Variants in SMYD4 observed in about 807,000 individuals in gnomAD.
SMYD4 encodes the protein SET and MYND domain containing 4.
Under a neutral mutation model 72.8 loss-of-function variants are expected in SMYD4, and 68 were observed. That is an observed-to-expected ratio of 0.93 (90% CI 0.77 to 1.14). The LOEUF is 1.14. Among genes scored for constraint, SMYD4 ranks in the 50% most tolerant of loss-of-function variants. SMYD4 has a pLI of 0.00. For synonymous variants in SMYD4, 407 were observed against 388.6 expected (o/e 1.05, Z -0.56); for missense variants, 984 against 1,003.7 (o/e 0.98, Z 0.27).
In SMYD4 at chr17:1,794,115, T is replaced by A. The variant is rs1447131653; in HGVS notation, c.1537+5742A>T. On this transcript the variant is annotated intron_variant, in intron 5 of 10. Transcript: ENST00000305513. Reference sequence around the variant, plus strand: ...TATATATATATATATATTTTTTTTTTTTTTTTTTTTTTGAGATGGAGTTTT... The same window carrying A: ...TATATATATATATATATTTTTTTTTATTTTTTTTTTTTGAGATGGAGTTTT... Among the ~76,000 whole-genome samples the A allele has an allele frequency of 5.9e-4, 27 of 45,734 alleles. 1 individual carries two copies. Among genetic ancestry groups the A allele is most frequent in the African/African-American group, 1.9e-3 (24 of 12,488 alleles). 30.0% of individuals were successfully genotyped at this position (45,734 alleles called of 152,430 possible).
At chr17:1,822,782 T>C (rs1910959973) in intron 2 of SMYD4, among the ~76,000 whole-genome samples, 1 of 152,122 alleles carries the variant, frequency 6.6e-6, no homozygotes, top group Admixed American at 6.6e-5. Context: ...TTAAAAACTC[T>C]TACCTTTTAT....
At chr17:1,796,687 G>A (rs903915622) in intron 5 of SMYD4, among the ~76,000 whole-genome samples, 5 of 151,860 alleles carry the variant, frequency 3.3e-5, no homozygotes, top group South Asian at 2.1e-4. Flanking sequence ...CGCCCGCCTC[G>A]GCCTCCCAAA....
chr17:1,811,910 C>G, intron 3 of SMYD4, 61 bp downstream of exon 3: 1 of 1,579,712 alleles, frequency 6.3e-7, no homozygotes, highest in South Asian at 1.1e-5. Flanking sequence ...CTGGGTAACA[C>G]AGCAAGATTC....
intron 2 of SMYD4, among the ~76,000 whole-genome samples, chr17:1,822,489 A>C (rs1910948061): frequency 1.3e-5 from 2 of 152,228 alleles, no homozygotes; most frequent in African/African-American, 4.8e-5. Context: ...AGCCTTTAAG[A>C]AGCACATAAT....
intron 1 of SMYD4, chr17:1,829,308 G>C (rs569195848): frequency 3.3e-5 from 5 of 152,354 alleles, no homozygotes; most frequent in African/African-American, 1.2e-4. Context: ...ACTCTCCAAT[G>C]TTTTGGCATA....
intron 7 of SMYD4, 67 bp from the exon 8 acceptor site, chr17:1,784,528 T>C: frequency 6.3e-7 from 1 of 1,596,752 alleles, no homozygotes; most frequent in Non-Finnish European, 8.5e-7. Context: ...TGTGCTTACA[T>C]TACAGGACTG....
chr17:1,793,157 T>C (rs768563958), intron 5 of SMYD4, among the ~76,000 whole-genome samples: 1 of 152,056 alleles, frequency 6.6e-6, no homozygotes, highest in Non-Finnish European at 1.5e-5. Context: ...GCTCAAGTAA[T>C]CCTCCTGCCT....
intron 5 of SMYD4, among the ~76,000 whole-genome samples, chr17:1,794,536 C>T (rs9902513): frequency 0.75 from 113,123 of 151,536 alleles, 43,015 homozygotes; most frequent in Non-Finnish European, 0.81. Flanking sequence ...AAAGCCTCTC[C>T]CACCCTAAGA....
chr17:1,817,006 T>C (rs1396280026), intron 2 of SMYD4, among the ~76,000 whole-genome samples: 1 of 151,888 alleles, frequency 6.6e-6, no homozygotes, highest in Non-Finnish European at 1.5e-5. Context: ...ATTCTGTGGG[T>C]TATCCTTTCA....
intron 5 of SMYD4, among the ~76,000 whole-genome samples, chr17:1,797,219 A>C (rs1167826047): frequency 6.6e-6 from 1 of 152,234 alleles, no homozygotes; most frequent in African/African-American, 2.4e-5. Flanking sequence ...AGCCACATTT[A>C]ATATTCATCT....
At chr17:1,827,428 G>A (rs930380562) in intron 2 of SMYD4, among the ~76,000 whole-genome samples, 2 of 150,980 alleles carry the variant, frequency 1.3e-5, no homozygotes, top group African/African-American at 2.4e-5. Context: ...GGCAAAGGCA[G>A]GCATTAGTCA....
intron 5 of SMYD4, among the ~76,000 whole-genome samples, chr17:1,795,262 C>T (rs1313611896): frequency 6.6e-6 from 1 of 151,996 alleles, no homozygotes. Context: ...CTGCCTCAGC[C>T]TTCTGTCTGT....
intron 4 of SMYD4, among the ~76,000 whole-genome samples, chr17:1,801,745 G>A (rs908176527): frequency 4.6e-5 from 7 of 151,236 alleles, no homozygotes; most frequent in African/African-American, 1.5e-4. Context: ...AGGAGGCCGA[G>A]GCGAGCAGAT....
chr17:1,796,285 C>A (rs142132067), intron 5 of SMYD4, among the ~76,000 whole-genome samples: 1,620 of 146,370 alleles, frequency 0.011, 33 homozygotes, highest in African/African-American at 0.039. Context: ...AGGCACATGC[C>A]ACCATGCCTG....
intron 5 of SMYD4, among the ~76,000 whole-genome samples, chr17:1,791,091 C>A (rs578096431): frequency 2.9e-5 from 4 of 139,376 alleles, no homozygotes; most frequent in South Asian, 2.3e-4. Flanking sequence ...CGCGCCACTG[C>A]ACTCCAGCCT....
intron 4 of SMYD4, 174 bp downstream of exon 4, chr17:1,804,452 C>T (rs1264243238): frequency 5.6e-6 from 3 of 533,664 alleles, no homozygotes; most frequent in Non-Finnish European, 1.0e-5. Flanking sequence ...GCTGAGATTA[C>T]AGGCAATGAG....
In SMYD4 at chr17:1,794,105, A is replaced by T. The variant is rs57868174; in HGVS notation, c.1537+5752T>A. Among the ~76,000 whole-genome samples the T allele has an allele frequency of 7.2e-3, 94 of 12,976 alleles. 8 individuals are homozygous for T. The highest frequency in any genetic ancestry group is 0.019 in the African/African-American group (53 of 2,752). The allele number at this position is 12,976 out of a possible 152,430, so 8.5% of individuals were successfully genotyped here. On this transcript the variant is annotated intron_variant, in intron 5 of 10. Coordinates refer to ENST00000305513, the MANE Select transcript of SMYD4 (RefSeq NM_052928.3). Reference sequence around the variant, plus strand: ...TGTATATATATATATATATATATATATTTTTTTTTTTTTTTTTTTTTTGAG... The same window carrying T: ...TGTATATATATATATATATATATATTTTTTTTTTTTTTTTTTTTTTTTGAG...
At chr17:1,793,729 T>TC (rs1361633297) in intron 5 of SMYD4, among the ~76,000 whole-genome samples, 1 of 151,788 alleles carries the variant, frequency 6.6e-6, no homozygotes, top group East Asian at 1.9e-4. Flanking sequence ...CAAACAGCCT[T>TC]CCCCAGAGGC....
At chr17:1,783,528 G>A in intron 8 of SMYD4, 52 bp from the exon 9 acceptor site, 1 of 1,553,140 alleles carries the variant, frequency 6.4e-7, no homozygotes, top group Non-Finnish European at 8.7e-7. Context: ...CCAGTCCTAG[G>A]AATGAGAATC....
Sources: allele counts gnomAD v4.1 joint callset (sites outside exome capture counted in the v4.1 genomes callset), GRCh38; gene constraint gnomAD v4.1.1; transcripts MANE v1.5; gene names NCBI Gene and HGNC (gene_info 2026-07-23, HGNC 2026-07-21).